Variants in DCK observed in about 807,000 individuals in gnomAD.
DCK encodes the protein deoxycytidine kinase.
A neutral mutation model predicts 38.3 loss-of-function variants in DCK; 23 were observed. That is an observed-to-expected ratio of 0.60 (90% confidence interval 0.43 to 0.85). DCK has a LOEUF of 0.85. Among genes scored for constraint, DCK ranks in the 40% least tolerant of loss-of-function variants. The pLI is 0.00. For synonymous variants in DCK, 108 were observed against 100.6 expected (o/e 1.07, Z -0.44); for missense variants, 259 against 304.4 (o/e 0.85, Z 1.11).
intron 6 of DCK, among the ~76,000 whole-genome samples, chr4:71,028,981 T>G (rs1578432278): frequency 6.6e-6 from 1 of 152,202 alleles, no homozygotes; most frequent in East Asian, 1.9e-4. Flanking sequence ...GGTCTCGAAC[T>G]CCTGACCGCA....
At chr4:71,015,123 T>C (rs1455879152) in intron 2 of DCK, among the ~76,000 whole-genome samples, 2 of 152,098 alleles carry the variant, frequency 1.3e-5, no homozygotes, top group East Asian at 1.9e-4. Context: ...CAAACTACCA[T>C]CACAGAATAC....
intron 1 of DCK, among the ~76,000 whole-genome samples, chr4:70,997,069 T>C (rs1287335944): frequency 2.6e-5 from 4 of 152,226 alleles, no homozygotes; most frequent in Non-Finnish European, 4.4e-5. Flanking sequence ...GTAACTGTTA[T>C]TACTCTTAGA....
chr4:70,993,662 G>C lies in DCK; in HGVS notation c.-174G>C, dbSNP rs950253829. On this transcript the variant is annotated 5_prime_UTR_variant, in exon 1 of 7. Coordinates refer to ENST00000286648, the MANE Select transcript of DCK (RefSeq NM_000788.3). ...CGCAGGCCCGCCAGTGTCCTCAGCT[G>C]CCTCCGCGCGCCAAAGTCAAACCCC... 3 of 557,142 alleles carry C rather than the reference G, an allele frequency of 5.4e-6. No individual in the cohort carries two copies. The highest frequency in any genetic ancestry group is 2.2e-5 in the South Asian group (1 of 45,738). 34.5% of individuals were successfully genotyped at this position (557,142 alleles called of 1,614,324 possible). A position where few individuals can be genotyped will look rare whatever the true frequency, so the allele number is the denominator to read the frequency against.
intron 2 of DCK, among the ~76,000 whole-genome samples, chr4:71,014,524 G>T (rs1740201533): frequency 6.6e-6 from 1 of 152,170 alleles, no homozygotes; most frequent in Non-Finnish European, 1.5e-5. Flanking sequence ...TGGAAGTAAA[G>T]CACTCTTCAG....
chr4:71,014,605 G>T (rs191495600), intron 2 of DCK, among the ~76,000 whole-genome samples: 18 of 152,254 alleles, frequency 1.2e-4, no homozygotes, highest in South Asian at 2.1e-4. Flanking sequence ...TAGAACTCAG[G>T]ATTAAGAAAC....
chr4:71,013,423 T>A (rs975747838), intron 2 of DCK, among the ~76,000 whole-genome samples: 3 of 151,932 alleles, frequency 2.0e-5, no homozygotes, highest in Non-Finnish European at 4.4e-5. Context: ...ACAAAGATAC[T>A]CCTCGAGAAG....
intron 4 of DCK, among the ~76,000 whole-genome samples, chr4:71,024,330 T>C (rs575308822): frequency 6.6e-6 from 1 of 152,280 alleles, no homozygotes; most frequent in African/African-American, 2.4e-5. Flanking sequence ...GTAACATAGC[T>C]ATTCTAGTTA....
At chr4:71,010,041 T>C (rs1740044766) in intron 2 of DCK, among the ~76,000 whole-genome samples, 1 of 152,298 alleles carries the variant, frequency 6.6e-6, no homozygotes, top group African/African-American at 2.4e-5. Flanking sequence ...AGTCCTACTT[T>C]GATGTTCTTG....
chr4:71,006,555 C>G (rs897436082), intron 2 of DCK, among the ~76,000 whole-genome samples: 1 of 152,044 alleles, frequency 6.6e-6, no homozygotes, highest in Non-Finnish European at 1.5e-5. Flanking sequence ...AGCAGCCAAT[C>G]CCAGCACTTC....
intron 2 of DCK, among the ~76,000 whole-genome samples, chr4:71,014,705 A>G (rs1483042597): frequency 6.6e-6 from 1 of 152,222 alleles, no homozygotes; most frequent in Non-Finnish European, 1.5e-5. Flanking sequence ...AGAAATAAAG[A>G]TGTTCTTTGA....
At chr4:71,009,162 A>G (rs1336261675) in intron 2 of DCK, among the ~76,000 whole-genome samples, 3 of 152,242 alleles carry the variant, frequency 2.0e-5, no homozygotes, top group African/African-American at 7.2e-5. Context: ...CATAATTTGT[A>G]CACACAAGAA....
intron 2 of DCK, among the ~76,000 whole-genome samples, chr4:71,020,695 TTTTG>T (rs112421413): frequency 4.0e-5 from 6 of 151,826 alleles, no homozygotes; most frequent in Admixed American, 2.0e-4. Flanking sequence ...ATGACTAGAG[TTTTG>T]TTTGTTTGTT....
chr4:71,003,780 C>T (rs1386886346), intron 2 of DCK, among the ~76,000 whole-genome samples: 1 of 152,186 alleles, frequency 6.6e-6, no homozygotes, highest in African/African-American at 2.4e-5. Flanking sequence ...TCACCAAGTT[C>T]TCATGCTGTG....
At chr4:71,007,011 T>C (rs182241647) in intron 2 of DCK, among the ~76,000 whole-genome samples, 1 of 152,318 alleles carries the variant, frequency 6.6e-6, no homozygotes, top group East Asian at 1.9e-4. Flanking sequence ...TAGCAAGATA[T>C]TCCATGGACT....
chr4:71,025,824 A>G lies in DCK; in HGVS notation c.558A>G (p.Leu186=). ...IYLQATPETC[L]HRIYLRGRNE... Reference sequence around the variant, plus strand: ...TTATTACTTGCTTTTAGACATGCTTACATAGAATATATTTACGGGGAAGAA... The same window carrying G: ...TTATTACTTGCTTTTAGACATGCTTGCATAGAATATATTTACGGGGAAGAA... Residue 186 remains leucine (L), a synonymous_variant, in exon 5 of 7, where the codon TTA becomes TTG. Coordinates refer to ENST00000286648, the MANE Select transcript of DCK (RefSeq NM_000788.3). The G allele has an allele frequency of 6.2e-7, 1 of 1,607,616 alleles. No individual in the cohort carries two copies. The highest frequency in any genetic ancestry group is 8.5e-7 in the Non-Finnish European group (1 of 1,177,570).
intron 6 of DCK, among the ~76,000 whole-genome samples, chr4:71,028,156 TCTA>T (rs1339218463): frequency 1.3e-5 from 2 of 152,224 alleles, no homozygotes; most frequent in African/African-American, 4.8e-5. Context: ...ACATGACAAA[TCTA>T]CTACATGTTT....
chr4:71,024,861 A>G (rs1395780274), intron 4 of DCK, among the ~76,000 whole-genome samples: 7 of 152,212 alleles, frequency 4.6e-5, no homozygotes, highest in Non-Finnish European at 2.9e-5. Flanking sequence ...ATTCACTTTT[A>G]TTTTTGAAAA....
chr4:71,021,438 T>C (rs1042003595), intron 2 of DCK, among the ~76,000 whole-genome samples: 1 of 152,238 alleles, frequency 6.6e-6, no homozygotes, highest in Non-Finnish European at 1.5e-5. Context: ...TTTACATTTG[T>C]ATTTTTCCTC....
rs886100166 is a variant in DCK, at chr4:70,993,699, G to T, written c.-137G>T. On this transcript the variant is annotated 5_prime_UTR_variant, in exon 1 of 7. Coordinates refer to ENST00000286648, the MANE Select transcript of DCK (RefSeq NM_000788.3). ...CAAAGTCAAACCCCGACACCCGCCG[G>T]CGGGCCGGTGAGCTCACTAGCTGAC... 1.7e-6 allele frequency: 1 copy of T among 589,878 alleles called. No individual in the cohort carries two copies. The highest frequency in any genetic ancestry group is 3.2e-5 in the Admixed American group (1 of 31,420). 36.5% of individuals were successfully genotyped at this position (589,878 alleles called of 1,614,324 possible).
Sources: allele counts gnomAD v4.1 joint callset (sites outside exome capture counted in the v4.1 genomes callset), GRCh38; gene constraint gnomAD v4.1.1; transcripts MANE v1.5; gene names NCBI Gene and HGNC (gene_info 2026-07-23, HGNC 2026-07-21).